Variants in TM6SF2 observed in about 807,000 individuals in gnomAD.
TM6SF2 encodes transmembrane 6 superfamily member 2.
TM6SF2 carries 29 observed loss-of-function variants against 41.0 expected under a neutral mutation model. That is an observed-to-expected ratio of 0.71 (90% CI 0.53 to 0.96). The LOEUF is 0.96. TM6SF2 is among the 50% of genes least tolerant of loss of function. TM6SF2 has a pLI of 0.00. For missense variants in TM6SF2, 475 were observed against 499.0 expected (o/e 0.95, Z 0.46); for synonymous variants, 200 against 209.1 (o/e 0.96, Z 0.37).
In TM6SF2 at chr19:19,270,281, G is replaced by A. The variant is rs1461692220; in HGVS notation, c.298-5C>T. 1.2e-6 allele frequency: 2 copies of A among 1,614,196 alleles called. No homozygotes were observed. Among genetic ancestry groups the A allele is most frequent in the South Asian group, 1.1e-5 (1 of 91,088 alleles). ...TGTGCGCAGGTATGGCTCTCCCTGTGGGGGCAGGTGGGAGACTCAGACGGG... is the reference window on the plus strand; with the variant it reads ...TGTGCGCAGGTATGGCTCTCCCTGTAGGGGCAGGTGGGAGACTCAGACGGG... On this transcript the variant is annotated splice_polypyrimidine_tract_variant and splice_region_variant and intron_variant, in intron 3 of 9. Coordinates refer to ENST00000389363, the MANE Select transcript of TM6SF2 (RefSeq NM_001001524.3).
chr19:19,269,501 G>A (rs955017973), intron 5 of TM6SF2, among the ~76,000 whole-genome samples, 186 bp downstream of exon 5: 7 of 152,156 alleles, frequency 4.6e-5, no homozygotes, highest in African/African-American at 1.4e-4. Context: ...GGGTTCTCCC[G>A]CCTTCCAAGA....
chr19:19,268,571 C>G (rs1046176207), intron 6 of TM6SF2, 59 bp downstream of exon 6: 23 of 1,509,190 alleles, frequency 1.5e-5, no homozygotes, highest in Middle Eastern at 1.8e-4. Context: ...CCAAAAGCAA[C>G]TGACACGGGG....
chr19:19,269,529 A>G (rs2061015241), intron 5 of TM6SF2, among the ~76,000 whole-genome samples, 158 bp downstream of exon 5: 1 of 152,176 alleles, frequency 6.6e-6, no homozygotes, highest in Non-Finnish European at 1.5e-5. Flanking sequence ...GGGACCGGAA[A>G]GGGGTGGGCT....
rs777094771 is a variant in TM6SF2, at chr19:19,270,250, G to A, written c.324C>T (p.His108=). Residue 108 remains histidine, a synonymous_variant, in exon 4 of 10, where the codon CAC becomes CAT. Coordinates refer to ENST00000389363, the MANE Select transcript of TM6SF2 (RefSeq NM_001001524.3). ...KEGEPYLRTA[H]GVFICYWDGT... is the part of the protein sequence containing the mutation. ...CATCCCAGTAGCAGATGAAGACTCCGTGCGCTGTGCGCAGGTATGGCTCTC... is the reference window on the plus strand; with the variant it reads ...CATCCCAGTAGCAGATGAAGACTCCATGCGCTGTGCGCAGGTATGGCTCTC... The A allele has an allele frequency of 1.6e-5, 26 of 1,614,096 alleles. No homozygotes were observed. In the East Asian group the frequency reaches 2.0e-4, roughly 12 times the overall value.
At chr19:19,268,162 T>C (rs1303626084) in intron 6 of TM6SF2, 75 bp from the exon 7 acceptor site, 2 of 965,940 alleles carry the variant, frequency 2.1e-6, no homozygotes, top group Non-Finnish European at 3.1e-6. Context: ...CAATAAAGGT[T>C]CCTAAGGCTC....
intron 9 of TM6SF2, 93 bp downstream of exon 9, chr19:19,266,397 C>T: frequency 1.3e-6 from 2 of 1,545,970 alleles, no homozygotes. Flanking sequence ...GGGGGCTCAT[C>T]ATTACAGTGC....
At chr19:19,265,207 C>T (rs747581461) in intron 9 of TM6SF2, among the ~76,000 whole-genome samples, 7 of 151,806 alleles carry the variant, frequency 4.6e-5, no homozygotes, top group Non-Finnish European at 8.8e-5. Context: ...CCTCTATGCC[C>T]AGTTAATTTT....
Position 19,273,244 on chromosome 19 carries a change from C to A in TM6SF2, c.-29G>T. ...GGCGGCTGCTGGACCCCGGCTCAGC[C>A]CCGACGCGTTCTCCAGGGCGCTCGG... On this transcript the variant is annotated 5_prime_UTR_variant, in exon 1 of 10. Coordinates refer to ENST00000389363, the MANE Select transcript of TM6SF2 (RefSeq NM_001001524.3). 3 of 1,351,658 alleles carry A rather than the reference C, an allele frequency of 2.2e-6. No homozygotes were observed. The highest frequency in any genetic ancestry group is 1.7e-5 in the South Asian group (1 of 57,730). 83.7% of individuals were successfully genotyped at this position (1,351,658 alleles called of 1,614,324 possible).
intron 1 of TM6SF2, among the ~76,000 whole-genome samples, chr19:19,272,553 T>C (rs2061027594): frequency 6.6e-6 from 1 of 152,130 alleles, no homozygotes; most frequent in African/African-American, 2.4e-5. Context: ...ATCCGGTGGC[T>C]GGACCCACAG....
At position 19,268,622 on chromosome 19, in the gene TM6SF2, G is replaced by C. The variant is rs779666905; in HGVS notation, c.609+8C>G. ...TGGGACAAGGCCTAAGAGGGGTAAG[G>C]CACTCACCATGTTGGCGGTGCAGCG... On this transcript the variant is annotated splice_region_variant and intron_variant, in intron 6 of 9. Coordinates refer to ENST00000389363, the MANE Select transcript of TM6SF2 (RefSeq NM_001001524.3). 4 of 1,578,538 alleles carry C rather than the reference G, an allele frequency of 2.5e-6. No individual in the cohort carries two copies. Among genetic ancestry groups the C allele is most frequent in the Non-Finnish European group, 3.4e-6 (4 of 1,168,756 alleles).
intron 9 of TM6SF2, 33 bp from the exon 10 acceptor site, chr19:19,264,906 G>T (rs762649345): frequency 6.8e-7 from 1 of 1,469,848 alleles, no homozygotes; most frequent in East Asian, 2.6e-5. Context: ...GGATGTCAGG[G>T]GCCAGGAAGG....
rs1333223197 is a variant in TM6SF2, at chr19:19,267,618, C to T, written c.804+3G>A. ...TGTGGTCTTCTCCCCGCTCCCCTCT[C>T]ACCTGCACCTTAGGGTAGGCCACAG... On this transcript the variant is annotated splice_donor_region_variant and intron_variant, in intron 8 of 9. Transcript: ENST00000389363. 2 of 1,612,230 alleles carry T rather than the reference C, an allele frequency of 1.2e-6. No individual in the cohort carries two copies. The highest frequency in any genetic ancestry group is 2.2e-5 in the East Asian group (1 of 44,814).
Position 19,267,682 on chromosome 19 carries a change from A to T in TM6SF2, c.743T>A (p.Phe248Tyr), listed in dbSNP as rs1332537504. Residue 248 changes from phenylalanine (F) to tyrosine (Y), a missense_variant, in exon 8 of 10, where the codon TTT (phenylalanine) becomes TAT (tyrosine). By Grantham distance (22) the Phe-to-Tyr change is conservative. Around this residue, in one of 3 missense-constraint regions of TM6SF2, gnomAD observed 190 missense variants for 190.2 expected, o/e 1.00. Coordinates refer to ENST00000389363, the MANE Select transcript of TM6SF2 (RefSeq NM_001001524.3). ...VVLDCPTDACFVYIYQYEPYL... is the reference protein window; with the variant it reads ...VVLDCPTDACYVYIYQYEPYL... ...TGGCTCATACTGGTAGATATAGACA[A>T]AGCAGGCATCTGTGGGGCAATCAAG... The T allele has an allele frequency of 6.2e-7, 1 of 1,613,948 alleles. No individual in the cohort carries two copies. Among genetic ancestry groups the T allele is most frequent in the Non-Finnish European group, 8.5e-7 (1 of 1,179,944 alleles).
Position 19,264,836 on chromosome 19 carries a change from C to T in TM6SF2, c.962G>A (p.Arg321His), listed in dbSNP as rs778992711. ...AGGCACACGGTAGGTGAAGGGTGTG[C>T]GCAGGTGCATGGAAGCCCCCATGTG... The part of the protein sequence containing the change: ...FSHMGASMHL[R>H]TPFTYRVPED... Residue 321 changes from arginine to histidine, a missense_variant, in exon 10 of 10, where the codon CGC becomes CAC. By Grantham distance (29) the Arg-to-His change is conservative. Transcript: ENST00000389363. 1.1e-5 allele frequency: 17 copies of T among 1,594,100 alleles called. No homozygotes were observed. The highest frequency in any genetic ancestry group is 1.7e-4 in the Middle Eastern group (1 of 6,032).
rs566746498 is a variant in TM6SF2, at chr19:19,269,157, C to T, written c.485-403G>A. 3.3e-5 allele frequency among the ~76,000 whole-genome samples: 5 copies of T among 152,296 alleles called. No individual in the cohort carries two copies. The South Asian group carries it at 1.0e-3, about 32-fold the overall frequency. ...GACATCTTGATTCAGAAATACCATC[C>T]TCATTCAAGCTCCACCACCTTCCAT... On this transcript the variant is annotated intron_variant, in intron 5 of 9. Transcript: ENST00000389363.
chr19:19,266,620 G>A lies in TM6SF2; in HGVS notation c.805-11C>T, dbSNP rs1332369196. On this transcript the variant is annotated splice_polypyrimidine_tract_variant and intron_variant, in intron 8 of 9. Transcript: ENST00000389363. Reference sequence around the variant, plus strand: ...CATGTACATCAGCATCTGCAGGGGCGGGAGGAGAGGGGCACCAGCCTGTGA... The same window carrying A: ...CATGTACATCAGCATCTGCAGGGGCAGGAGGAGAGGGGCACCAGCCTGTGA... 33 of 1,606,644 alleles carry A rather than the reference G, an allele frequency of 2.1e-5. No homozygotes were observed. In the East Asian group the frequency reaches 6.1e-4, roughly 30 times the overall value.
intron 5 of TM6SF2, among the ~76,000 whole-genome samples, chr19:19,269,389 C>A (rs1346732399): frequency 2.0e-5 from 3 of 152,334 alleles, no homozygotes; most frequent in Non-Finnish European, 4.4e-5. Flanking sequence ...GAAGCTTTCA[C>A]CCTGTCCCCA....
Position 19,266,629 on chromosome 19 carries a change from G to A in TM6SF2, c.805-20C>T. On this transcript the variant is annotated intron_variant, in intron 8 of 9. Transcript: ENST00000389363. ...CAGCATCTGCAGGGGCGGGAGGAGA[G>A]GGGCACCAGCCTGTGAGATGAGCAG... The A allele has an allele frequency of 6.2e-7, 1 of 1,603,058 alleles. No individual in the cohort carries two copies. Among genetic ancestry groups the A allele is most frequent in the South Asian group, 1.1e-5 (1 of 90,124 alleles).
chr19:19,265,004 A>G (rs1408517295), intron 9 of TM6SF2, 131 bp from the exon 10 acceptor site: 1 of 494,798 alleles, frequency 2.0e-6, no homozygotes, highest in Non-Finnish European at 3.4e-6. Context: ...GGCTTTGCTC[A>G]TCTATCTGTT....
Sources: gnomAD v4.1 joint callset for allele counts (sites outside exome capture counted in the v4.1 genomes callset) on GRCh38, gnomAD v4.1.1 for gene constraint, gnomAD v4.1.1 regional missense constraint, MANE v1.5 for transcripts, NCBI Gene and HGNC (gene_info 2026-07-23, HGNC 2026-07-21) for gene names.